Variants in CAMK1D observed in about 807,000 individuals in gnomAD.
CAMK1D encodes the protein calcium/calmodulin dependent protein kinase ID, also known as calcium/calmodulin-dependent protein kinase type 1D.
Under a neutral mutation model 47.7 loss-of-function variants are expected in CAMK1D, and 9 were observed. The observed-to-expected ratio is 0.19, with a 90% CI of 0.11 to 0.33. The LOEUF (loss-of-function observed/expected upper bound fraction) is 0.33, where lower values mean the gene tolerates loss of function less well. Among genes scored for constraint, CAMK1D ranks in the 10% least tolerant of loss-of-function variants. The probability of loss-of-function intolerance (pLI) is 1.00; values close to 1 mark genes in which losing one functional copy is unlikely to be tolerated. For missense variants in CAMK1D, 291 were observed against 488.7 expected (o/e 0.60, Z 3.81); for synonymous variants, 184 against 184.9 (o/e 0.99, Z 0.04).
In CAMK1D at chr10:12,411,135, G is replaced by A. The variant is rs183726535; in HGVS notation, c.92+61225G>A. 1.7e-3 allele frequency among the ~76,000 whole-genome samples: 257 copies of A among 152,284 alleles called. 6 individuals are homozygous for A. The highest frequency in any genetic ancestry group is 0.016 in the Admixed American group (238 of 15,302). Reference sequence around the variant, plus strand: ...CATCAACTCACCAAACATTGGCTCAGGGAGTACCTGGGCCAGCCTGGGTGC... The same window carrying A: ...CATCAACTCACCAAACATTGGCTCAAGGAGTACCTGGGCCAGCCTGGGTGC... On this transcript the variant is annotated intron_variant, in intron 1 of 10. Transcript: ENST00000619168.
intron 2 of CAMK1D, among the ~76,000 whole-genome samples, chr10:12,554,836 G>A (rs1401962377): frequency 1.3e-5 from 2 of 152,134 alleles, no homozygotes; most frequent in Non-Finnish European, 2.9e-5. Flanking sequence ...GAGCCATGGC[G>A]CCTGGCTCCC....
chr10:12,472,123 T>TCC (rs1833765607), intron 1 of CAMK1D, among the ~76,000 whole-genome samples: 1 of 152,154 alleles, frequency 6.6e-6, no homozygotes. Flanking sequence ...CTGAGATGCG[T>TCC]CCACCCTTAA....
intron 1 of CAMK1D, among the ~76,000 whole-genome samples, chr10:12,447,403 A>C (rs1564345343): frequency 6.6e-6 from 1 of 152,114 alleles, no homozygotes; most frequent in Non-Finnish European, 1.5e-5. Flanking sequence ...CCTTTTTTAA[A>C]ATGTTTAAAT....
At chr10:12,706,037 G>T (rs1467503120) in intron 3 of CAMK1D, among the ~76,000 whole-genome samples, 1 of 152,168 alleles carries the variant, frequency 6.6e-6, no homozygotes, top group Non-Finnish European at 1.5e-5. Flanking sequence ...TTATCTGAGG[G>T]GGGTGTGTCC....
intron 1 of CAMK1D, among the ~76,000 whole-genome samples, chr10:12,503,409 G>A (rs1038333470): frequency 6.0e-5 from 8 of 133,420 alleles, no homozygotes; most frequent in Admixed American, 2.3e-4. Context: ...CCCTCTTGGC[G>A]TGTGTCACAG....
At chr10:12,781,696 G>C (rs1837504053) in intron 5 of CAMK1D, among the ~76,000 whole-genome samples, 1 of 150,122 alleles carries the variant, frequency 6.7e-6, no homozygotes, top group South Asian at 2.1e-4. Context: ...GTGTTGCCCA[G>C]GCTGGCGTGC....
intron 1 of CAMK1D, among the ~76,000 whole-genome samples, chr10:12,380,458 A>G (rs1172417057): frequency 6.6e-6 from 1 of 152,202 alleles, no homozygotes; most frequent in Non-Finnish European, 1.5e-5. Context: ...CCTTCCTTTT[A>G]TGAAGCTGAT....
intron 1 of CAMK1D, among the ~76,000 whole-genome samples, chr10:12,423,078 G>C (rs914397976): frequency 6.6e-6 from 1 of 152,180 alleles, no homozygotes; most frequent in Non-Finnish European, 1.5e-5. Context: ...GAAAGCACGC[G>C]ATGTTTTTAT....
chr10:12,795,683 A>G lies in CAMK1D; in HGVS notation c.641+4450A>G, dbSNP rs567255844. On this transcript the variant is annotated intron_variant, in intron 6 of 10. Transcript: ENST00000619168. ...TTTTCTCCTCTTGCACGCCATATAA[A>G]CATTCCTCCTTTTGCTGGTGTGCGC... Among the ~76,000 whole-genome samples, 26 of 152,306 alleles carry G rather than the reference A, an allele frequency of 1.7e-4. No homozygotes were observed. The South Asian group carries it at 5.4e-3, about 32-fold the overall frequency.
intron 1 of CAMK1D, among the ~76,000 whole-genome samples, chr10:12,366,153 A>C (rs948194825): frequency 6.6e-6 from 1 of 152,254 alleles, no homozygotes; most frequent in African/African-American, 2.4e-5. Flanking sequence ...AAGTTGGGTC[A>C]TATGTTGATC....
intron 3 of CAMK1D, among the ~76,000 whole-genome samples, chr10:12,717,835 A>G (rs1444582208): frequency 6.7e-6 from 1 of 149,358 alleles, no homozygotes; most frequent in Non-Finnish European, 1.5e-5. Flanking sequence ...TTGAGGCTAC[A>G]GTGAGCCACG....
chr10:12,394,253 C>T (rs4750212), intron 1 of CAMK1D, among the ~76,000 whole-genome samples: 31,436 of 151,938 alleles, frequency 0.21, 3,948 homozygotes, highest in East Asian at 0.35. Context: ...GGGAGCGTGC[C>T]GTCCTCTCCG....
chr10:12,650,932 C>T (rs892780279), intron 2 of CAMK1D, among the ~76,000 whole-genome samples: 17 of 152,208 alleles, frequency 1.1e-4, no homozygotes, highest in Admixed American at 9.2e-4. Flanking sequence ...GGGTTCCACA[C>T]CTGCCAGTCT....
chr10:12,666,931 C>T (rs1840450960), intron 3 of CAMK1D, 121 bp downstream of exon 3: 4 of 781,328 alleles, frequency 5.1e-6, no homozygotes, highest in Admixed American at 4.4e-5. Flanking sequence ...AGCAGGGAGG[C>T]CTGTGGGATA....
chr10:12,621,548 TTGGTATAAA>T (rs1218461103), intron 2 of CAMK1D, among the ~76,000 whole-genome samples: 1 of 152,228 alleles, frequency 6.6e-6, no homozygotes, highest in Non-Finnish European at 1.5e-5. Flanking sequence ...ATTTTAAATA[TTGGTATAAA>T]TGTTTGCTTA....
intron 3 of CAMK1D, among the ~76,000 whole-genome samples, chr10:12,693,348 G>C (rs547542997): frequency 4.9e-4 from 75 of 152,222 alleles, no homozygotes; most frequent in African/African-American, 1.8e-3. Flanking sequence ...CTGGGCAACA[G>C]AGCGAGACTC....
chr10:12,648,855 G>A (rs1839882480), intron 2 of CAMK1D, among the ~76,000 whole-genome samples: 1 of 152,120 alleles, frequency 6.6e-6, no homozygotes, highest in African/African-American at 2.4e-5. Flanking sequence ...AAGAGATTTT[G>A]TATAATAGGC....
Position 12,658,889 on chromosome 10 carries a change from C to T in CAMK1D, c.225-7847C>T, listed in dbSNP as rs146475732. 4.1e-3 allele frequency among the ~76,000 whole-genome samples: 630 copies of T among 152,262 alleles called. 6 individuals carry two copies. Among genetic ancestry groups the T allele is most frequent in the African/African-American group, 0.013 (559 of 41,550 alleles). On this transcript the variant is annotated intron_variant, in intron 2 of 10. Transcript: ENST00000619168. ...AAGCCCACGTGTGATCCGATTTTTC[C>T]GGTACACCAAGGCAAGAACCCCAGG...
chr10:12,741,645 A>T (rs1274930059), intron 3 of CAMK1D, among the ~76,000 whole-genome samples: 1 of 152,016 alleles, frequency 6.6e-6, no homozygotes, highest in Non-Finnish European at 1.5e-5. Flanking sequence ...CTCTTGTCTT[A>T]GGTCGGTTTC....
Sources: gnomAD v4.1 joint callset for allele counts (sites outside exome capture counted in the v4.1 genomes callset) on GRCh38, gnomAD v4.1.1 for gene constraint, MANE v1.5 for transcripts, NCBI Gene and HGNC (gene_info 2026-07-23, HGNC 2026-07-21) for gene names.